The following DDHD2 variants were observed in gnomAD, a reference collection of about 807,000 sequenced individuals.
DDHD2 encodes the protein DDHD domain containing 2.
A neutral mutation model predicts 91.2 loss-of-function variants in DDHD2; 62 were observed. The observed-to-expected ratio is 0.68, with a 90% CI of 0.55 to 0.84. The LOEUF (loss-of-function observed/expected upper bound fraction) is 0.84. Among genes scored for constraint, DDHD2 ranks in the 40% least tolerant of loss-of-function variants. DDHD2 has a pLI of 0.00. For synonymous variants in DDHD2, 271 were observed against 293.9 expected (o/e 0.92, Z 0.80); for missense variants, 740 against 846.9 (o/e 0.87, Z 1.57).
intron 4 of DDHD2, 76 bp from the exon 5 acceptor site, chr8:38,238,013 C>T (rs940589538): frequency 5.7e-6 from 8 of 1,411,360 alleles, no homozygotes; most frequent in Non-Finnish European, 7.6e-6. Context: ...AGACATGATT[C>T]TACACTTAAA....
chr8:38,268,056 A>G (rs776161197), intron 1 of DDHD2: 38 of 1,588,526 alleles, frequency 2.4e-5, no homozygotes, highest in Non-Finnish European at 3.3e-5. Context: ...TCTGAGATGG[A>G]TAGAATCCAA....
intron 14 of DDHD2, 45 bp downstream of exon 14, chr8:38,252,869 G>T: frequency 6.2e-7 from 1 of 1,607,966 alleles, no homozygotes. Context: ...CTTTTGGCCA[G>T]TGCAAAGGGC....
At chr8:38,256,986 C>T (rs1806559393) in intron 16 of DDHD2, among the ~76,000 whole-genome samples, 1 of 150,786 alleles carries the variant, frequency 6.6e-6, no homozygotes, top group Non-Finnish European at 1.5e-5. Context: ...TGCAGTGGTG[C>T]GATTATAGCT....
chr8:38,265,121 C>G, downstream of DDHD2: 1 of 574,432 alleles, frequency 1.7e-6, no homozygotes, highest in Non-Finnish European at 3.1e-6. Context: ...CAAAAATTAG[C>G]CGGGCGTGGT....
At chr8:38,240,898 C>T (rs1475123979) in intron 6 of DDHD2, among the ~76,000 whole-genome samples, 6 of 152,032 alleles carry the variant, frequency 3.9e-5, no homozygotes, top group Non-Finnish European at 8.8e-5. Context: ...TTGTGAAACG[C>T]TGTCTCTACT....
In DDHD2 at chr8:38,242,231, A is replaced by T; in HGVS notation, c.713-19A>T. On this transcript the variant is annotated intron_variant, in intron 6 of 17. Coordinates refer to ENST00000397166, the MANE Select transcript of DDHD2 (RefSeq NM_015214.3). ...TTTGTTACTTCATTGTTGATGCATAAGTTAATTTTCTTTTCCAGTTAATGA... is the reference window on the plus strand; with the variant it reads ...TTTGTTACTTCATTGTTGATGCATATGTTAATTTTCTTTTCCAGTTAATGA... 1 of 1,571,620 alleles carries T rather than the reference A, an allele frequency of 6.4e-7. No homozygotes were observed. The highest frequency in any genetic ancestry group is 1.2e-5 in the South Asian group (1 of 84,380).
intron 1 of DDHD2, chr8:38,268,847 T>C (rs547956546): frequency 8.0e-5 from 121 of 1,514,946 alleles, no homozygotes; most frequent in Non-Finnish European, 1.0e-4. Context: ...AGCCGGGTCA[T>C]GGGGAGGGAG....
chr8:38,268,147 A>T, intron 1 of DDHD2: 1 of 1,359,900 alleles, frequency 7.4e-7, no homozygotes, highest in South Asian at 1.5e-5. Context: ...GGCCAAAGAC[A>T]TTTCTGAGGT....
intron 16 of DDHD2, among the ~76,000 whole-genome samples, chr8:38,258,296 G>A (rs1806697672): frequency 6.7e-6 from 1 of 150,116 alleles, no homozygotes; most frequent in East Asian, 1.9e-4. Flanking sequence ...GTGTTGCCCA[G>A]GCTGAAGTGC....
At chr8:38,238,566 T>A in intron 5 of DDHD2, 8 of 1,041,694 alleles carry the variant, frequency 7.7e-6, no homozygotes, top group Non-Finnish European at 9.2e-6. Flanking sequence ...TAAGGAAAAC[T>A]GTTTTTCAGC....
chr8:38,269,983 A>G (rs1808384376), intron 1 of DDHD2: 1 of 152,260 alleles, frequency 6.6e-6, no homozygotes, highest in African/African-American at 2.4e-5. Context: ...ATACAGGTTA[A>G]CCAAGCTTTA....
At chr8:38,242,162 G>A in intron 6 of DDHD2, 88 bp from the exon 7 acceptor site, 1 of 1,056,990 alleles carries the variant, frequency 9.5e-7, no homozygotes. Flanking sequence ...TGCAAATGTA[G>A]TTAGAGTATA....
At chr8:38,252,058 C>T (rs764997411) in intron 12 of DDHD2, 30 bp downstream of exon 12, 2 of 1,611,646 alleles carry the variant, frequency 1.2e-6, no homozygotes, top group African/African-American at 1.3e-5. Flanking sequence ...CATTTTACAG[C>T]CTGCTATTTG....
intron 13 of DDHD2, 104 bp downstream of exon 13, chr8:38,252,391 C>G (rs1806179459): frequency 7.7e-7 from 1 of 1,292,906 alleles, no homozygotes; most frequent in Non-Finnish European, 1.1e-6. Context: ...ATTCCATTGT[C>G]TAGCAATGAG....
At position 38,249,769 on chromosome 8, in the gene DDHD2, T is replaced by C; in HGVS notation, c.1310T>C (p.Ile437Thr). Residue 437 changes from isoleucine (I) to threonine (T), a missense_variant, in exon 11 of 18, where the codon ATA becomes ACA. Ile to Thr is a moderately conservative substitution (Grantham distance 89, BLOSUM62 -1). Coordinates refer to ENST00000397166, the MANE Select transcript of DDHD2 (RefSeq NM_015214.3). ...ATTCCTTTAGGACCAAGAAAGAAGA[T>C]ATTAAACTATTTCAGCACCAGAAAA... is the stretch of plus-strand genomic sequence containing the variant. ...IGIPLGPRKK[I>T]LNYFSTRKNS... The C allele has an allele frequency of 6.2e-7, 1 of 1,612,124 alleles. No individual in the cohort carries two copies. Among genetic ancestry groups the C allele is most frequent in the South Asian group, 1.1e-5 (1 of 91,000 alleles).
chr8:38,268,951 C>T, intron 1 of DDHD2: 1 of 1,565,920 alleles, frequency 6.4e-7, no homozygotes, highest in Non-Finnish European at 8.6e-7. Flanking sequence ...TCTCCTCCGG[C>T]TGGATGAGTC....
At chr8:38,255,674 CTAT>C (rs1435192827) in intron 16 of DDHD2, among the ~76,000 whole-genome samples, 1 of 151,694 alleles carries the variant, frequency 6.6e-6, no homozygotes, top group Non-Finnish European at 1.5e-5. Context: ...ATTTTTTAAC[CTAT>C]TATATGTTGT....
chr8:38,249,742 G>A lies in DDHD2; in HGVS notation c.1283G>A (p.Gly428Glu). The change falls in exon 11 of 18, where the codon GGA (glycine) becomes GAA (glutamate). Residue 428 changes from glycine (G) to glutamate (E), a missense_variant. Physicochemically the swap from Gly to Glu is moderately conservative, Grantham distance 98 (BLOSUM62 -2). This residue lies in a region of DDHD2 where 693 missense variants were observed against 764.2 expected (regional missense o/e 0.91). Transcript: ENST00000397166. ...ACAGACCGAGATCTTCAGGAAATAG[G>A]AATTCCTTTAGGACCAAGAAAGAAG... ...LCTDRDLQEI[G>E]IPLGPRKKIL... 1.9e-6 allele frequency: 3 copies of A among 1,611,822 alleles called. No individual in the cohort carries two copies. Among genetic ancestry groups the A allele is most frequent in the Non-Finnish European group, 1.7e-6 (2 of 1,178,582 alleles).
At chr8:38,272,221 C>G (rs1808499014), downstream of DDHD2, 1 of 152,208 alleles carries the variant, frequency 6.6e-6, no homozygotes, top group South Asian at 2.1e-4. Flanking sequence ...ACTTTTTTAG[C>G]TTTCACATAT....
Sources: allele counts gnomAD v4.1 joint callset (sites outside exome capture counted in the v4.1 genomes callset), GRCh38; gene constraint gnomAD v4.1.1; regional missense constraint gnomAD v4.1.1; transcripts MANE v1.5; gene names NCBI Gene and HGNC (gene_info 2026-07-23, HGNC 2026-07-21).